The following RBFOX1 variants were observed in gnomAD, a reference collection of about 807,000 sequenced individuals.
The protein encoded by RBFOX1 is RNA binding protein fox-1 homolog 1.
RBFOX1 carries 8 observed loss-of-function variants against 57.7 expected under a neutral mutation model. That is an observed-to-expected ratio of 0.14 (90% CI 0.08 to 0.25). RBFOX1 has a LOEUF of 0.25. RBFOX1 is among the 10% of genes least tolerant of loss of function. The pLI is 1.00. For missense variants in RBFOX1, 611 were observed against 548.5 expected, an observed-to-expected ratio of 1.11 and a Z score of -1.14; for synonymous variants, 326 against 222.4, an observed-to-expected ratio of 1.47 and a Z score of -4.15.
chr16:7,455,177 T>C (rs1270662485), intron 4 of RBFOX1, among the ~76,000 whole-genome samples: 2 of 152,214 alleles, frequency 1.3e-5, no homozygotes, highest in Admixed American at 6.5e-5. Flanking sequence ...GATTGGAAAT[T>C]CTCTCTTCTG....
chr16:6,754,726 TAA>T (rs2075511700), intron 3 of RBFOX1, among the ~76,000 whole-genome samples: 1 of 152,084 alleles, frequency 6.6e-6, no homozygotes, highest in African/African-American at 2.4e-5. Flanking sequence ...TATTATAGTT[TAA>T]GTTTTAGGGT....
At chr16:6,071,509 G>A (rs747007504) in intron 1 of RBFOX1, among the ~76,000 whole-genome samples, 1 of 148,310 alleles carries the variant, frequency 6.7e-6, no homozygotes, top group Non-Finnish European at 1.5e-5. Context: ...ACCTGCATGT[G>A]TAGTCCTGAA....
At position 7,337,889 on chromosome 16, in the gene RBFOX1, T is replaced by G. The variant is rs2096823444; in HGVS notation, c.28-180258T>G. ...TAGTAGAGACAGGGTTTCACCATGT[T>G]GGTTAGGCTCATCTTGAACTCTTGA... On this transcript the variant is annotated intron_variant, in intron 4 of 15. Coordinates refer to ENST00000550418, the MANE Select transcript of RBFOX1 (RefSeq NM_018723.4). Among the ~76,000 whole-genome samples the G allele has an allele frequency of 2.0e-5, 3 of 152,290 alleles. No homozygotes were observed. In the South Asian group the frequency reaches 6.2e-4, roughly 32 times the overall value.
At chr16:6,058,191 C>T (rs1031235248) in intron 1 of RBFOX1, among the ~76,000 whole-genome samples, 1 of 152,078 alleles carries the variant, frequency 6.6e-6, no homozygotes, top group South Asian at 2.1e-4. Flanking sequence ...CACAGAAATT[C>T]TCATCAAAGT....
At chr16:5,625,483 T>A (rs2048322174) in intron 3 of RBFOX1, among the ~76,000 whole-genome samples, 1 of 152,182 alleles carries the variant, frequency 6.6e-6, no homozygotes, top group Admixed American at 6.5e-5. Flanking sequence ...CCGTTCTTCA[T>A]AACCAGTCAA....
intron 7 of RBFOX1, among the ~76,000 whole-genome samples, chr16:7,588,920 A>G (rs143563193): frequency 6.6e-6 from 1 of 152,310 alleles, no homozygotes; most frequent in East Asian, 1.9e-4. Flanking sequence ...CTGTCAGATG[A>G]GCAAAAACAA....
At chr16:6,207,292 A>C (rs919693587) in intron 1 of RBFOX1, among the ~76,000 whole-genome samples, 2 of 152,224 alleles carry the variant, frequency 1.3e-5, no homozygotes, top group Non-Finnish European at 2.9e-5. Flanking sequence ...ATCTCCAAAG[A>C]AATGGCAGTT....
rs530168887 is a variant in RBFOX1 at position 6,898,368 on chromosome 16, A to C, written c.-15-153689A>C. Among the ~76,000 whole-genome samples the C allele has an allele frequency of 2.6e-5, 4 of 152,258 alleles. No homozygotes were observed. In the East Asian group the frequency reaches 5.8e-4, roughly 22 times the overall value. ...GGAGAGCAGTCAGAGGTGAAGGCTA[A>C]AGAATGTGGAGGGTATTGAGTGCAC... On this transcript the variant is annotated intron_variant, in intron 3 of 15. Transcript: ENST00000550418.
rs61209958 is a variant in RBFOX1 at position 6,134,683 on chromosome 16, A to ATTTTTTTTTT, written c.-127+114694_-127+114703dup. Reference sequence around the variant, plus strand: ...CAATCTTTGTGCTTGAACTCAGAGTATTTTTTTTTTTTGAAATGGAGTCTC... The same window carrying ATTTTTTTTTT: ...CAATCTTTGTGCTTGAACTCAGAGTATTTTTTTTTTTTTTTTTTTTTTGAAATGGAGTCTC... On this transcript the variant is annotated intron_variant, in intron 1 of 15. Coordinates refer to ENST00000550418, the MANE Select transcript of RBFOX1 (RefSeq NM_018723.4). Among the ~76,000 whole-genome samples the ATTTTTTTTTT allele has an allele frequency of 7.9e-3, 1,139 of 143,436 alleles. 17 individuals are homozygous for ATTTTTTTTTT. The highest frequency in any genetic ancestry group is 0.026 in the African/African-American group (1,009 of 38,746). 94.1% of individuals were successfully genotyped at this position (143,436 alleles called of 152,430 possible).
At chr16:6,737,258 G>A (rs529195030) in intron 3 of RBFOX1, among the ~76,000 whole-genome samples, 12 of 152,194 alleles carry the variant, frequency 7.9e-5, no homozygotes, top group East Asian at 5.8e-4. Context: ...GCATTTCCCC[G>A]TATTTCTTCT....
chr16:6,576,380 A>G (rs1281993092), intron 2 of RBFOX1, among the ~76,000 whole-genome samples: 1 of 152,176 alleles, frequency 6.6e-6, no homozygotes, highest in Non-Finnish European at 1.5e-5. Context: ...ACCTACGCAG[A>G]CATGGGGAGA....
intron 2 of RBFOX1, among the ~76,000 whole-genome samples, chr16:5,504,212 T>C (rs192184452): frequency 6.4e-4 from 97 of 152,336 alleles, no homozygotes; most frequent in Admixed American, 1.9e-3. Flanking sequence ...CCCTGGAGCA[T>C]GTCACCTGAT....
At chr16:6,908,390 C>T (rs1222724063) in intron 3 of RBFOX1, among the ~76,000 whole-genome samples, 2 of 146,244 alleles carry the variant, frequency 1.4e-5, no homozygotes, top group Non-Finnish European at 3.1e-5. Flanking sequence ...GTCTGCCTGC[C>T]TTCTCTTTCC....
At chr16:5,696,988 C>G (rs956844319) in intron 3 of RBFOX1, among the ~76,000 whole-genome samples, 3 of 152,168 alleles carry the variant, frequency 2.0e-5, no homozygotes, top group Non-Finnish European at 2.9e-5. Flanking sequence ...TCTTGACTCA[C>G]TGCGTCCTCT....
chr16:6,760,327 T>A (rs533577510), intron 3 of RBFOX1, among the ~76,000 whole-genome samples: 21 of 152,224 alleles, frequency 1.4e-4, no homozygotes, highest in African/African-American at 4.8e-4. Context: ...TCTATGAAGG[T>A]GGAAGGGGAA....
intron 1 of RBFOX1, among the ~76,000 whole-genome samples, chr16:5,359,263 C>A (rs2065476957): frequency 6.6e-6 from 1 of 152,202 alleles, no homozygotes; most frequent in Non-Finnish European, 1.5e-5. Context: ...GGGAACAGTG[C>A]TGTACCTGGC....
intron 4 of RBFOX1, among the ~76,000 whole-genome samples, chr16:7,390,290 C>A (rs2097977825): frequency 6.6e-6 from 1 of 152,056 alleles, no homozygotes; most frequent in Non-Finnish European, 1.5e-5. Flanking sequence ...TATCAGGGGT[C>A]TAGAAAGGTA....
At chr16:6,148,957 C>A (rs938221531) in intron 1 of RBFOX1, among the ~76,000 whole-genome samples, 1 of 151,804 alleles carries the variant, frequency 6.6e-6, no homozygotes, top group Non-Finnish European at 1.5e-5. Flanking sequence ...AGGCTCACAA[C>A]GTAGAAGAAA....
rs190518977 is a variant in RBFOX1, at chr16:5,571,931, G to C, written c.259-26971G>C. ...GTTAGAGGCGTGAGCCACTGTGCCC[G>C]GCCCATCTTTGTCTTTCATAATTAA... On this transcript the variant is annotated intron_variant, in intron 2 of 2. Coordinates refer to the RBFOX1 transcript ENST00000585867. 1.3e-3 allele frequency among the ~76,000 whole-genome samples: 204 copies of C among 152,276 alleles called. 7 individuals carry two copies. In the South Asian group the frequency reaches 0.042, roughly 31 times the overall value.
Sources: gnomAD v4.1 joint callset for allele counts (sites outside exome capture counted in the v4.1 genomes callset) on GRCh38, gnomAD v4.1.1 for gene constraint, MANE v1.5 for transcripts, NCBI Gene and HGNC (gene_info 2026-07-23, HGNC 2026-07-21) for gene names.